COMP: variants seen among roughly 807,000 people sequenced by gnomAD.
COMP encodes cartilage oligomeric matrix protein (pseudoachondroplasia, epiphyseal dysplasia 1, multiple).
In COMP, 79 loss-of-function variants were observed where a neutral mutation model predicts 95.8. The observed-to-expected ratio is 0.82, with a 90% CI of 0.69 to 0.99. The LOEUF (loss-of-function observed/expected upper bound fraction) is 0.99. COMP is among the 50% of genes least tolerant of loss of function. The probability of loss-of-function intolerance (pLI) is 0.00; values close to 1 mark genes in which losing one functional copy is unlikely to be tolerated. For missense variants in COMP, 906 were observed against 1,076.1 expected, an observed-to-expected ratio of 0.84 and a Z score of 2.21; for synonymous variants, 438 against 433.9, an observed-to-expected ratio of 1.01 and a Z score of -0.12.
At chr19:18,783,320 C>A in intron 17 of COMP, 127 bp from the exon 18 acceptor site, 2 of 1,325,664 alleles carry the variant, frequency 1.5e-6, no homozygotes, top group Non-Finnish European at 2.1e-6. Flanking sequence ...GAGGCCTCTG[C>A]CTTGGGCCTC....
rs2055154948 is a variant in COMP at position 18,785,057 on chromosome 19, T to C, written c.1753A>G (p.Thr585Ala). ...TCCGTGACCGTGTTCACATGGAACG[T>C]GCCCTCGAAGTCCACGCCATTGAAG... ...TAFNGVDFEG[T>A]FHVNTVTDDD... Residue 585 changes from threonine (T) to alanine (A), a missense_variant, in exon 16 of 19, where the codon ACG (threonine) becomes GCG (alanine). By Grantham distance (58) the Thr-to-Ala change is moderately conservative (BLOSUM62 0). Transcript: ENST00000222271. 1.2e-6 allele frequency: 2 copies of C among 1,614,114 alleles called. No homozygotes were observed. Among genetic ancestry groups the C allele is most frequent in the South Asian group, 1.1e-5 (1 of 91,088 alleles).
At position 18,788,989 on chromosome 19, in the gene COMP, G is replaced by T. The variant is rs1462182072; in HGVS notation, c.529-76C>A. On this transcript the variant is annotated intron_variant, in intron 5 of 18. Coordinates refer to ENST00000222271, the MANE Select transcript of COMP (RefSeq NM_000095.3). The surrounding 1 kb of genome is among the most constrained non-coding windows in gnomAD (Gnocchi z 4.7). ...CTCCCACCTCCTCCACACTTCCTCC[G>T]CATCCTGCCTCTCCCCTCCATCCTG... is the stretch of plus-strand genomic sequence containing the variant. 5.1e-6 allele frequency: 8 copies of T among 1,561,370 alleles called. No homozygotes were observed. Among genetic ancestry groups the T allele is most frequent in the African/African-American group, 2.7e-5 (2 of 74,010 alleles).
rs774266370 is a variant in COMP at position 18,786,141 on chromosome 19, C to G, written c.1313G>C (p.Gly438Ala). 3 of 1,614,192 alleles carry G rather than the reference C, an allele frequency of 1.9e-6. No homozygotes were observed. Among genetic ancestry groups the G allele is most frequent in the Non-Finnish European group, 2.5e-6 (3 of 1,180,046 alleles). Reference sequence around the variant, plus strand: ...GTCCCGAGAGTCCTGATGTCCGTCTCCATCCCTAGAGTGGATAGGTGGGAT... The same window carrying G: ...GTCCCGAGAGTCCTGATGTCCGTCTGCATCCCTAGAGTGGATAGGTGGGAT... Reference protein sequence around the residue: ...DACDSDQDQDGDGHQDSRDNC... With the variant: ...DACDSDQDQDADGHQDSRDNC... The change falls in exon 13 of 19, where the codon GGA becomes GCA. Residue 438 changes from glycine (G) to alanine (A), a missense_variant. By Grantham distance (60) the Gly-to-Ala change is moderately conservative. Coordinates refer to ENST00000222271, the MANE Select transcript of COMP (RefSeq NM_000095.3).
At chr19:18,786,948 T>C (rs1220145151) in intron 10 of COMP, 2 of 363,740 alleles carry the variant, frequency 5.5e-6, no homozygotes, top group East Asian at 7.1e-5. Flanking sequence ...AATTTTTGTA[T>C]TTTTAGTACA....
At chr19:18,786,333 A>T (rs1568555018) in intron 11 of COMP, 42 bp from the exon 12 acceptor site, 1 of 1,613,118 alleles carries the variant, frequency 6.2e-7, no homozygotes, top group Non-Finnish European at 8.5e-7. Flanking sequence ...CAGACAGAGG[A>T]AATCAGAAAG....
chr19:18,788,446 G>C lies in COMP; in HGVS notation c.831C>G (p.Asp277Glu), dbSNP rs766595611. 1 of 1,597,744 alleles carries C rather than the reference G, an allele frequency of 6.3e-7. No individual in the cohort carries two copies. Among genetic ancestry groups the C allele is most frequent in the Non-Finnish European group, 8.5e-7 (1 of 1,172,322 alleles). ...GRDTDLDGFP[D>E]EKLRCPERQC... ...GGCGCTCCGGGCAGCGCAGCTTCTC[G>C]TCCGGGAAGCCGTCTAGGTCAGTGT... Residue 277 changes from aspartate (D) to glutamate (E), a missense_variant, in exon 8 of 19, where the codon GAC (aspartate) becomes GAG (glutamate). By Grantham distance (45) the Asp-to-Glu change is conservative. Coordinates refer to ENST00000222271, the MANE Select transcript of COMP (RefSeq NM_000095.3). This position sits in a 1 kb window ranked among gnomAD's most constrained non-coding sequence, Gnocchi z 4.7.
At chr19:18,785,354 ACCCCGCCCCTCTGT>A (rs2055157648) in intron 15 of COMP, 130 bp downstream of exon 15, 2 of 1,065,858 alleles carry the variant, frequency 1.9e-6, no homozygotes, top group Admixed American at 1.9e-5. Context: ...CGCCCATATA[ACCCCGCCCCTCTGT>A]CCCCGCCCTT....
In COMP at chr19:18,786,133, G is replaced by A. The variant is rs1568554908; in HGVS notation, c.1321C>T (p.His441Tyr). 6.2e-7 allele frequency: 1 copy of A among 1,614,148 alleles called. No individual in the cohort carries two copies. Among genetic ancestry groups the A allele is most frequent in the Non-Finnish European group, 8.5e-7 (1 of 1,180,042 alleles). The part of the protein sequence containing the change: ...DSDQDQDGDG[H>Y]QDSRDNCPTV... ...GGACAGTTGTCCCGAGAGTCCTGATGTCCGTCTCCATCCCTAGAGTGGATA... is the reference window on the plus strand; with the variant it reads ...GGACAGTTGTCCCGAGAGTCCTGATATCCGTCTCCATCCCTAGAGTGGATA... Residue 441 changes from histidine (H) to tyrosine (Y), a missense_variant, in exon 13 of 19, where the codon CAT (histidine) becomes TAT (tyrosine). Physicochemically the swap from His to Tyr is moderately conservative, Grantham distance 83. Transcript: ENST00000222271.
chr19:18,783,090 TCTC>T lies in COMP; in HGVS notation c.2188_2190del (p.Glu730del). The T allele has an allele frequency of 8.7e-6, 14 of 1,612,192 alleles. No individual in the cohort carries two copies. Among genetic ancestry groups the T allele is most frequent in the Non-Finnish European group, 1.2e-5 (14 of 1,179,980 alleles). ...TAACGCAGGTTGGCCCAGATGATGT[TCTC>T]CTGGGAGAAGCAGAAGACCCCCAGG... On this transcript the variant is annotated inframe_deletion, in exon 18 of 19. Coordinates refer to ENST00000222271, the MANE Select transcript of COMP (RefSeq NM_000095.3).
chr19:18,786,187 A>G (rs755577871), intron 12 of COMP, 41 bp from the exon 13 acceptor site: 3 of 1,614,136 alleles, frequency 1.9e-6, no homozygotes, highest in East Asian at 4.5e-5. Flanking sequence ...TGAGCTCTCC[A>G]GAGCGTTTTG....
Position 18,785,682 on chromosome 19 carries a change from C to T in COMP, c.1659G>A (p.Val553=). 1 of 1,613,450 alleles carries T rather than the reference C, an allele frequency of 6.2e-7. No individual in the cohort carries two copies. Among genetic ancestry groups the T allele is most frequent in the Non-Finnish European group, 8.5e-7 (1 of 1,180,024 alleles). ...GDAQIDPNWV[V]LNQGREIVQT... is the part of the protein sequence containing the mutation. The stretch of plus-strand genomic sequence containing the variant: ...TGGACCCCGCTCCCACCTGGTTGAG[C>T]ACCACCCAGTTGGGGTCAATCTGCG... Residue 553 remains valine (V), a synonymous_variant, in exon 14 of 19, where the codon GTG becomes GTA. Transcript: ENST00000222271.
Position 18,785,059 on chromosome 19 carries a change from C to T in COMP, c.1751G>A (p.Gly584Asp). The stretch of plus-strand genomic sequence containing the variant: ...CGTGACCGTGTTCACATGGAACGTG[C>T]CCTCGAAGTCCACGCCATTGAAGGC... ...YTAFNGVDFEGTFHVNTVTDD... is the reference protein window; with the variant it reads ...YTAFNGVDFEDTFHVNTVTDD... Residue 584 changes from glycine (G) to aspartate (D), a missense_variant, in exon 16 of 19, where the codon GGC (glycine) becomes GAC (aspartate). Physicochemically the swap from Gly to Asp is moderately conservative, Grantham distance 94. Coordinates refer to ENST00000222271, the MANE Select transcript of COMP (RefSeq NM_000095.3). The T allele has an allele frequency of 6.2e-7, 1 of 1,614,100 alleles. No homozygotes were observed. The highest frequency in any genetic ancestry group is 8.5e-7 in the Non-Finnish European group (1 of 1,180,008).
chr19:18,790,653 C>A (rs1410386627), intron 2 of COMP, 40 bp from the exon 3 acceptor site: 1 of 1,613,702 alleles, frequency 6.2e-7, no homozygotes, highest in Non-Finnish European at 8.5e-7. Context: ...CCCAACCTCT[C>A]CTCATCCCTC....
rs375332869 is a variant in COMP at position 18,788,267 on chromosome 19, C to T, written c.920G>A (p.Gly307Asp). The T allele has an allele frequency of 2.5e-6, 4 of 1,613,192 alleles. No individual in the cohort carries two copies. The highest frequency in any genetic ancestry group is 2.7e-5 in the African/African-American group (2 of 75,044). ...NSGQEDVDRD[G>D]IGDACDPDAD... The stretch of plus-strand genomic sequence containing the variant: ...ATCCGGATCGCAGGCGTCTCCGATG[C>T]CATCGCGGTCCACATCCTCCTGCCC... Residue 307 changes from glycine (G) to aspartate (D), a missense_variant, in exon 9 of 19, where the codon GGC (glycine) becomes GAC (aspartate). By Grantham distance (94) the Gly-to-Asp change is moderately conservative (BLOSUM62 -1). Transcript: ENST00000222271. The surrounding 1 kb of genome is among the most constrained non-coding windows in gnomAD (Gnocchi z 4.7).
Position 18,789,926 on chromosome 19 carries a change from G to C in COMP, c.390+16C>G. 1 of 1,593,118 alleles carries C rather than the reference G, an allele frequency of 6.3e-7. No homozygotes were observed. Among genetic ancestry groups the C allele is most frequent in the Non-Finnish European group, 8.5e-7 (1 of 1,178,086 alleles). ...GAGGGAGTCGTCAGGGCGGTGGAGT[G>C]TCGGGGCTAGCGCACCTCGTTGACG... On this transcript the variant is annotated intron_variant, in intron 4 of 18. Coordinates refer to ENST00000222271, the MANE Select transcript of COMP (RefSeq NM_000095.3). The surrounding 1 kb of genome is among the most constrained non-coding windows in gnomAD (Gnocchi z 6.1).
chr19:18,785,956 C>T lies in COMP; in HGVS notation c.1489+9G>A, dbSNP rs2055163531. On this transcript the variant is annotated intron_variant, in intron 13 of 18. Coordinates refer to ENST00000222271, the MANE Select transcript of COMP (RefSeq NM_000095.3). ...CCCGCCCCCACCGCAGGCCCCGCCCCCGCCGTACTGTCCGCGTCCTCCTGG... is the reference window on the plus strand; with the variant it reads ...CCCGCCCCCACCGCAGGCCCCGCCCTCGCCGTACTGTCCGCGTCCTCCTGG... 2.5e-6 allele frequency: 4 copies of T among 1,595,568 alleles called. No individual in the cohort carries two copies. The highest frequency in any genetic ancestry group is 3.4e-6 in the Non-Finnish European group (4 of 1,173,258).
Position 18,787,544 on chromosome 19 carries a change from TC to T in COMP, c.1081del (p.Asp361ThrfsTer43). ...ATCGCCCCGGCCGTCCTGGTCTGTG[TC>T]CTTTTGGTCGTCGTTCTTCTGGGAC... ...CRSQKNDDQK[D>X]TDQDGRGDAC... On this transcript the variant is annotated frameshift_variant, in exon 10 of 19. Transcript: ENST00000222271. LOFTEE classifies it high-confidence loss of function. 1 of 1,614,002 alleles carries T rather than the reference TC, an allele frequency of 6.2e-7. No homozygotes were observed. Among genetic ancestry groups the T allele is most frequent in the Non-Finnish European group, 8.5e-7 (1 of 1,180,042 alleles).
chr19:18,785,516 C>T lies in COMP; in HGVS notation c.1699G>A (p.Asp567Asn). The stretch of plus-strand genomic sequence containing the variant: ...TTCTCACCCACAGCCAGGCCTGGGT[C>T]GCTGTTCATTGTCTGCACGATCTCC... ...GREIVQTMNS[D>N]PGLAVGYTAF... Residue 567 changes from aspartate to asparagine, a missense_variant, in exon 15 of 19, where the codon GAC becomes AAC. Transcript: ENST00000222271. 1.2e-6 allele frequency: 2 copies of T among 1,613,948 alleles called. No homozygotes were observed. The highest frequency in any genetic ancestry group is 8.5e-7 in the Non-Finnish European group (1 of 1,180,044).
Position 18,784,355 on chromosome 19 carries a change from C to G in COMP, c.1923G>C (p.Lys641Asn). ...GCTGTTCCCCGGGGCCTGTGGAAGA[C>G]TTCACAGCCTGCCAATACCCAGGAA... ...AEPGIQLKAVKSSTGPGEQLR... is the reference protein window; with the variant it reads ...AEPGIQLKAVNSSTGPGEQLR... Residue 641 changes from lysine to asparagine, a missense_variant, in exon 17 of 19, where the codon AAG becomes AAC. By Grantham distance (94) the Lys-to-Asn change is moderately conservative (BLOSUM62 0). Transcript: ENST00000222271. This position sits in a 1 kb window ranked among gnomAD's most constrained non-coding sequence, Gnocchi z 4.9. The G allele has an allele frequency of 6.2e-7, 1 of 1,613,940 alleles. No individual in the cohort carries two copies. Among genetic ancestry groups the G allele is most frequent in the East Asian group, 2.2e-5 (1 of 44,886 alleles).
Sources: allele counts gnomAD v4.1 joint callset, GRCh38; gene constraint gnomAD v4.1.1; non-coding constraint Gnocchi (gnomAD v3.1); transcripts MANE v1.5; gene names NCBI Gene and HGNC (gene_info 2026-07-23, HGNC 2026-07-21).